The following PLCE1 variants were observed in gnomAD, a reference collection of about 807,000 sequenced individuals.
The protein encoded by PLCE1 is phospholipase C epsilon 1.
In PLCE1, 119 loss-of-function variants were observed where a neutral mutation model predicts 242.8. The observed-to-expected ratio is 0.49, with a 90% CI of 0.42 to 0.57. The LOEUF (loss-of-function observed/expected upper bound fraction) is 0.57, where lower values mean the gene tolerates loss of function less well. Among genes scored for constraint, PLCE1 ranks in the 20% least tolerant of loss-of-function variants. The pLI is 0.00. For synonymous variants in PLCE1, 945 were observed against 1,017.4 expected (o/e 0.93, Z 1.35); for missense variants, 2,441 against 2,788.8 (o/e 0.88, Z 2.81).
chr10:94,257,007 A>G (rs1427295543), intron 11 of PLCE1, among the ~76,000 whole-genome samples: 1 of 152,192 alleles, frequency 6.6e-6, no homozygotes, highest in Non-Finnish European at 1.5e-5. Flanking sequence ...TTAGCTGCAA[A>G]TGATGAAGTC....
Position 94,259,051 on chromosome 10 carries a change from G to A in PLCE1, c.3715G>A (p.Val1239Ile), listed in dbSNP as rs779628620. Residue 1239 changes from valine (V) to isoleucine (I), a missense_variant, in exon 13 of 33, where the codon GTC becomes ATC. By Grantham distance (29) the Val-to-Ile change is conservative (BLOSUM62 3). Transcript: ENST00000371380. ...SRKDLKDLFDVYAVPCNRSGS... is the reference protein window; with the variant it reads ...SRKDLKDLFDIYAVPCNRSGS... ...CAAGGACCTGAAGGATCTGTTTGAT[G>A]TCTATGCAGTGCCCTGCAACCGATC... 4.3e-6 allele frequency: 7 copies of A among 1,613,984 alleles called. No homozygotes were observed. Among genetic ancestry groups the A allele is most frequent in the African/African-American group, 1.3e-5 (1 of 74,910 alleles).
chr10:94,021,031 A>C (rs781402370), intron 1 of PLCE1, among the ~76,000 whole-genome samples: 16 of 152,092 alleles, frequency 1.1e-4, no homozygotes, highest in Non-Finnish European at 2.2e-4. Flanking sequence ...GGGTTTCACT[A>C]TGTTGGCCAG....
chr10:94,281,264 A>G (rs1163957665), intron 20 of PLCE1, among the ~76,000 whole-genome samples: 2 of 152,222 alleles, frequency 1.3e-5, no homozygotes, highest in African/African-American at 2.4e-5. Flanking sequence ...ATAAGTAGTT[A>G]GTCCACTAGA....
In PLCE1 at chr10:94,304,527, G is replaced by C; in HGVS notation, c.5504G>C (p.Gly1835Ala). The C allele has an allele frequency of 6.2e-7, 1 of 1,614,084 alleles. No individual in the cohort carries two copies. Among genetic ancestry groups the C allele is most frequent in the Non-Finnish European group, 8.5e-7 (1 of 1,179,970 alleles). Residue 1835 changes from glycine (G) to alanine (A), a missense_variant, in exon 25 of 33, where the codon GGT becomes GCT. By Grantham distance (60) the Gly-to-Ala change is moderately conservative. This residue lies in a region of PLCE1 where 1,004 missense variants were observed against 1,322.7 expected (regional missense o/e 0.76). Coordinates refer to ENST00000371380, the MANE Select transcript of PLCE1 (RefSeq NM_016341.4). ...GCTGCAATGTTTGAGGCAAATGGTGGTTGTGGTTATGTATTGAAACCTCCA... is the reference window on the plus strand; with the variant it reads ...GCTGCAATGTTTGAGGCAAATGGTGCTTGTGGTTATGTATTGAAACCTCCA... Reference protein sequence around the residue: ...LNAAMFEANGGCGYVLKPPVL... With the variant: ...LNAAMFEANGACGYVLKPPVL...
Position 94,332,254 on chromosome 10 carries a change from A to C in PLCE1, c.*4311A>C, listed in dbSNP as rs565391861. ...AGATCTCTGAAACCTTCCCTATTGC[A>C]GATGACATAGGTCTCTAAACTTTTG... On this transcript the variant is annotated 3_prime_UTR_variant, in exon 33 of 33. Transcript: ENST00000371380. The C allele has an allele frequency of 1.3e-5, 2 of 152,324 alleles. No homozygotes were observed. The highest frequency in any genetic ancestry group is 4.1e-4 in the South Asian group (2 of 4,826). The allele number at this position is 152,324 out of a possible 1,614,324, so 9.4% of individuals were successfully genotyped here.
At chr10:94,192,040 C>T (rs1313211309) in intron 4 of PLCE1, among the ~76,000 whole-genome samples, 1 of 152,060 alleles carries the variant, frequency 6.6e-6, no homozygotes, top group East Asian at 1.9e-4. Context: ...TGTAAATTGA[C>T]ATAATTATAT....
intron 2 of PLCE1, among the ~76,000 whole-genome samples, chr10:94,118,827 A>G (rs1280771864): frequency 6.6e-6 from 1 of 152,234 alleles, no homozygotes; most frequent in Non-Finnish European, 1.5e-5. Flanking sequence ...GGACAGAGGT[A>G]GTCTATCTGG....
chr10:94,261,333 C>A (rs1301335630), intron 13 of PLCE1, among the ~76,000 whole-genome samples: 1 of 152,158 alleles, frequency 6.6e-6, no homozygotes, highest in Non-Finnish European at 1.5e-5. Flanking sequence ...GCTTGGTAGC[C>A]CATTTCTTTT....
At chr10:94,071,217 T>C (rs894998840) in intron 2 of PLCE1, among the ~76,000 whole-genome samples, 3 of 151,552 alleles carry the variant, frequency 2.0e-5, no homozygotes, top group Non-Finnish European at 4.4e-5. Context: ...CTGGAAGGAG[T>C]GTCCTGCTCA....
chr10:94,271,869 T>C (rs2051755993), intron 18 of PLCE1, among the ~76,000 whole-genome samples: 1 of 152,124 alleles, frequency 6.6e-6, no homozygotes, highest in African/African-American at 2.4e-5. Flanking sequence ...CACATATTGA[T>C]AGGTCCATGA....
At chr10:94,301,934 A>G in intron 24 of PLCE1, among the ~76,000 whole-genome samples, 1 of 152,228 alleles carries the variant, frequency 6.6e-6, no homozygotes, top group Non-Finnish European at 1.5e-5. Context: ...AAGGATAAAC[A>G]TTATGTGAAT....
chr10:94,276,690 T>C (rs753030932), intron 19 of PLCE1, among the ~76,000 whole-genome samples: 3 of 152,190 alleles, frequency 2.0e-5, no homozygotes, highest in Non-Finnish European at 4.4e-5. Flanking sequence ...TCTTAGTAGA[T>C]CCACTCTAAC....
chr10:94,098,551 C>A (rs985554806), intron 2 of PLCE1, among the ~76,000 whole-genome samples: 1 of 152,158 alleles, frequency 6.6e-6, no homozygotes, highest in Non-Finnish European at 1.5e-5. Flanking sequence ...CCCTGATTGT[C>A]TTTAAAATGG....
chr10:94,043,294 A>G (rs756122443), intron 2 of PLCE1, among the ~76,000 whole-genome samples: 1 of 152,222 alleles, frequency 6.6e-6, no homozygotes, highest in Non-Finnish European at 1.5e-5. Context: ...CGAACCCGCT[A>G]TGGAAACCCG....
At chr10:94,044,580 T>G (rs2061840842) in intron 2 of PLCE1, among the ~76,000 whole-genome samples, 2 of 152,220 alleles carry the variant, frequency 1.3e-5, no homozygotes, top group African/African-American at 4.8e-5. Context: ...CTCTCTTCAG[T>G]GTTGATGGAC....
intron 22 of PLCE1, among the ~76,000 whole-genome samples, chr10:94,290,594 A>G (rs11187840): frequency 0.073 from 11,120 of 151,850 alleles, 548 homozygotes; most frequent in East Asian, 0.19. Context: ...GCATGGAGCT[A>G]TCATCTCCCA....
chr10:94,002,944 C>A (rs1041235833), intron 1 of PLCE1, among the ~76,000 whole-genome samples: 2 of 152,124 alleles, frequency 1.3e-5, no homozygotes, highest in African/African-American at 4.8e-5. Flanking sequence ...TTTATTTGAG[C>A]ACAAAGCTTG....
intron 13 of PLCE1, 48 bp from the exon 14 acceptor site, chr10:94,262,446 A>C (rs775628028): frequency 1.5e-6 from 2 of 1,303,800 alleles, no homozygotes; most frequent in East Asian, 4.6e-5. Context: ...TGAACTTTGC[A>C]AAAGATGCTG....
Position 94,172,555 on chromosome 10 carries a change from G to A in PLCE1, c.1809+1059G>A, listed in dbSNP as rs777905970. 8.5e-5 allele frequency among the ~76,000 whole-genome samples: 13 copies of A among 152,086 alleles called. No homozygotes were observed. The East Asian group carries it at 9.6e-4, about 11-fold the overall frequency. ...ACATAAACACTTTCTGGCAAGGTGC[G>A]GTGGCTCATGCCTGTAATCCCAGTG... On this transcript the variant is annotated intron_variant, in intron 4 of 32. Transcript: ENST00000371380.
Sources: allele counts gnomAD v4.1 joint callset (sites outside exome capture counted in the v4.1 genomes callset), GRCh38; gene constraint gnomAD v4.1.1; regional missense constraint gnomAD v4.1.1; transcripts MANE v1.5; gene names NCBI Gene and HGNC (gene_info 2026-07-23, HGNC 2026-07-21).